KMT2C: variants seen among roughly 807,000 people sequenced by gnomAD.
The protein encoded by KMT2C is histone-lysine N-methyltransferase 2C.
In KMT2C, 88 loss-of-function variants were observed where a neutral mutation model predicts 507.9. The observed-to-expected ratio is 0.17, with a 90% CI of 0.15 to 0.21. The LOEUF (loss-of-function observed/expected upper bound fraction) is 0.21, where lower values mean the gene tolerates loss of function less well. KMT2C is among the 10% of genes least tolerant of loss of function. KMT2C has a pLI of 1.00. For missense variants in KMT2C, 4,954 were observed against 5,957.8 expected, an observed-to-expected ratio of 0.83 and a Z score of 5.55; for synonymous variants, 2,049 against 2,080.8, an observed-to-expected ratio of 0.98 and a Z score of 0.42.
intron 32 of KMT2C, 113 bp from the exon 33 acceptor site, chr7:152,187,589 T>C (rs1327137710): frequency 6.3e-6 from 9 of 1,421,658 alleles, no homozygotes; most frequent in East Asian, 2.4e-5. Context: ...AACATATTTA[T>C]AGCAAAAGCC....
At chr7:152,308,588 T>C (rs923823157) in intron 6 of KMT2C, among the ~76,000 whole-genome samples, 3 of 140,950 alleles carry the variant, frequency 2.1e-5, no homozygotes, top group Non-Finnish European at 4.5e-5. Context: ...GGCGGCAGAA[T>C]CACTTGAACC....
Position 152,134,950 on chromosome 7 carries a change from T to C in KMT2C, c.*1882A>G. The C allele has an allele frequency of 4.5e-6, 1 of 221,074 alleles. No homozygotes were observed. The highest frequency in any genetic ancestry group is 2.2e-5 in the African/African-American group (1 of 44,808). The allele number at this position is 221,074 out of a possible 1,614,324, so 13.7% of individuals were successfully genotyped here. ...TTATAGATGTAAAATATTTTATTTG[T>C]AAATGGTGATCTTCTAAATCTGTGT... On this transcript the variant is annotated 3_prime_UTR_variant, in exon 59 of 59. Transcript: ENST00000262189.
chr7:152,276,008 T>C (rs922690304), intron 6 of KMT2C, among the ~76,000 whole-genome samples: 5 of 152,222 alleles, frequency 3.3e-5, no homozygotes, highest in East Asian at 3.8e-4. Context: ...AACACCAATA[T>C]GTTCTCTTAA....
intron 41 of KMT2C, 78 bp from the exon 42 acceptor site, chr7:152,167,456 A>G (rs2092779416): frequency 2.1e-6 from 2 of 970,554 alleles, no homozygotes; most frequent in Non-Finnish European, 3.1e-6. Flanking sequence ...CTATTTTGTA[A>G]GGAAGTAGTT....
chr7:152,319,624 C>T (rs2096753505), intron 3 of KMT2C, among the ~76,000 whole-genome samples: 1 of 152,096 alleles, frequency 6.6e-6, no homozygotes, highest in African/African-American at 2.4e-5. Flanking sequence ...TGTGGAGGGC[C>T]TGACATCAGT....
chr7:152,348,459 C>A (rs898652228), intron 2 of KMT2C, among the ~76,000 whole-genome samples: 1 of 150,852 alleles, frequency 6.6e-6, no homozygotes, highest in East Asian at 1.9e-4. Flanking sequence ...AGTAGCCAGG[C>A]ATGGTGGCAG....
chr7:152,276,977 T>C (rs2096093475), intron 6 of KMT2C, among the ~76,000 whole-genome samples: 2 of 152,180 alleles, frequency 1.3e-5, no homozygotes, highest in Admixed American at 1.3e-4. Flanking sequence ...AGAACTCGTA[T>C]TACCAATTTT....
intron 55 of KMT2C, among the ~76,000 whole-genome samples, chr7:152,140,106 C>T (rs2090366258): frequency 1.3e-5 from 2 of 152,086 alleles, no homozygotes; most frequent in African/African-American, 4.8e-5. Context: ...TAGCTGAGTT[C>T]CCACCAACTA....
chr7:152,310,281 A>G (rs192160890), intron 5 of KMT2C, among the ~76,000 whole-genome samples: 1 of 152,348 alleles, frequency 6.6e-6, no homozygotes, highest in African/African-American at 2.4e-5. Flanking sequence ...AAATTCTTAG[A>G]AATACAGAAT....
intron 9 of KMT2C, among the ~76,000 whole-genome samples, chr7:152,255,821 C>G (rs2095651738): frequency 6.6e-6 from 1 of 152,120 alleles, no homozygotes; most frequent in East Asian, 1.9e-4. Flanking sequence ...AAAAGATACT[C>G]ACATCATACA....
intron 1 of KMT2C, among the ~76,000 whole-genome samples, chr7:152,417,742 C>T (rs1475681348): frequency 1.3e-5 from 2 of 149,758 alleles, no homozygotes; most frequent in African/African-American, 2.5e-5. Context: ...CCTGGGTTCA[C>T]GCCATCCTCC....
intron 31 of KMT2C, among the ~76,000 whole-genome samples, chr7:152,188,605 CTTTTTTTTT>C (rs1217052972): frequency 1.0e-5 from 1 of 96,766 alleles, no homozygotes; most frequent in Non-Finnish European, 1.9e-5. Context: ...TGATTCTTTC[CTTTTTTTTT>C]TTTTTTTTTT....
At chr7:152,228,403 T>C (rs1314661652) in intron 18 of KMT2C, among the ~76,000 whole-genome samples, 2 of 152,206 alleles carry the variant, frequency 1.3e-5, no homozygotes, top group Admixed American at 6.5e-5. Context: ...ACAATAAAAA[T>C]GCAAGCTGAG....
Position 152,155,945 on chromosome 7 carries a change from G to C in KMT2C, c.11925C>G (p.Leu3975=), listed in dbSNP as rs945617718. The C allele has an allele frequency of 5.0e-6, 8 of 1,609,406 alleles. No homozygotes were observed. The highest frequency in any genetic ancestry group is 2.2e-5 in the East Asian group (1 of 44,850). The change falls in exon 46 of 59, where the codon CTC becomes CTG. Residue 3975 remains leucine, a synonymous_variant. Coordinates refer to ENST00000262189, the MANE Select transcript of KMT2C (RefSeq NM_170606.3). ...CCTGATTGTTATGAGGTGGTGTTGG[G>C]AGGGAGGCTGGCACATCAACTGTCT... ...GPKTVDVPAS[L]PTPPHNNQEE...
At chr7:152,369,555 A>G (rs1335139636) in intron 1 of KMT2C, among the ~76,000 whole-genome samples, 1 of 152,146 alleles carries the variant, frequency 6.6e-6, no homozygotes, top group Non-Finnish European at 1.5e-5. Context: ...CAGTGTTGAG[A>G]GGTGGTACCT....
At chr7:152,362,766 A>G (rs2097207020) in intron 1 of KMT2C, among the ~76,000 whole-genome samples, 1 of 152,090 alleles carries the variant, frequency 6.6e-6, no homozygotes, top group Admixed American at 6.6e-5. Flanking sequence ...CTAGTTTATA[A>G]TCTCTATCAA....
At chr7:152,145,469 A>T (rs2091013138) in intron 53 of KMT2C, among the ~76,000 whole-genome samples, 174 bp from the exon 54 acceptor site, 1 of 152,244 alleles carries the variant, frequency 6.6e-6, no homozygotes, top group Non-Finnish European at 1.5e-5. Flanking sequence ...ATCTACTTAA[A>T]TATGAGTATG....
rs77735531 is a variant in KMT2C at position 152,312,259 on chromosome 7, T to C, written c.591-313A>G. 6.0e-3 allele frequency: 1,101 copies of C among 183,172 alleles called. 9 individuals carry two copies. The highest frequency in any genetic ancestry group is 9.7e-3 in the Admixed American group (165 of 16,964). The allele number at this position is 183,172 out of a possible 1,614,324, so 11.3% of individuals were successfully genotyped here. A position where few individuals can be genotyped will look rare whatever the true frequency, so the allele number is the denominator to read the frequency against. On this transcript the variant is annotated intron_variant, in intron 4 of 58. Coordinates refer to ENST00000262189, the MANE Select transcript of KMT2C (RefSeq NM_170606.3). Reference sequence around the variant, plus strand: ...CCAACTCTCATATCCTAGTCAGGAATTGTATTTAACACATAAACTGAGTAT... The same window carrying C: ...CCAACTCTCATATCCTAGTCAGGAACTGTATTTAACACATAAACTGAGTAT...
rs2093415114 is a variant in KMT2C, at chr7:152,180,940, C to G, written c.6920G>C (p.Arg2307Thr). Residue 2307 changes from arginine (R) to threonine (T), a missense_variant, in exon 36 of 59, where the codon AGA becomes ACA. By Grantham distance (71) the Arg-to-Thr change is moderately conservative. Around this residue, in one of 29 missense-constraint regions of KMT2C, gnomAD observed 1,689 missense variants for 1,654.3 expected, o/e 1.02. Coordinates refer to ENST00000262189, the MANE Select transcript of KMT2C (RefSeq NM_170606.3). ...DPYDQSPMTP[R>T]SQSDSFGTSQ... ...TGTTCCAAAAGAGTCAGACTGAGAT[C>G]TTGGAGTCATTGGAGACTGATCATA... 2 of 1,614,146 alleles carry G rather than the reference C, an allele frequency of 1.2e-6. No individual in the cohort carries two copies. The highest frequency in any genetic ancestry group is 1.3e-5 in the African/African-American group (1 of 75,028).
Sources: allele counts gnomAD v4.1 joint callset (sites outside exome capture counted in the v4.1 genomes callset), GRCh38; gene constraint gnomAD v4.1.1; regional missense constraint gnomAD v4.1.1; transcripts MANE v1.5; gene names NCBI Gene and HGNC (gene_info 2026-07-23, HGNC 2026-07-21).